PPM1L: variants seen among roughly 807,000 people sequenced by gnomAD.
PPM1L encodes the protein protein phosphatase, Mg2+/Mn2+ dependent 1L, also known as protein phosphatase 1L.
In PPM1L, 13 loss-of-function variants were observed where a neutral mutation model predicts 31.4. The observed-to-expected ratio is 0.41, with a 90% CI of 0.27 to 0.66. The LOEUF (loss-of-function observed/expected upper bound fraction) is 0.66. Ranked by LOEUF, PPM1L falls within the 30% of genes least tolerant of loss-of-function variation. The pLI is 0.29. For missense variants in PPM1L, 326 were observed against 453.7 expected (o/e 0.72, Z 2.56); for synonymous variants, 184 against 175.4 (o/e 1.05, Z -0.39).
intron 2 of PPM1L, among the ~76,000 whole-genome samples, chr3:161,060,329 C>A (rs1307146490): frequency 1.3e-5 from 2 of 152,044 alleles, no homozygotes; most frequent in Admixed American, 1.3e-4. Flanking sequence ...CATGTATGGG[C>A]AACAGGAGGG....
chr3:160,940,629 G>A (rs997501600), intron 1 of PPM1L, among the ~76,000 whole-genome samples: 5 of 152,312 alleles, frequency 3.3e-5, no homozygotes, highest in South Asian at 4.1e-4. Context: ...CTAGGGGTGC[G>A]CAGAAGCCAA....
intron 1 of PPM1L, among the ~76,000 whole-genome samples, chr3:160,846,108 G>T (rs1345000897): frequency 6.6e-6 from 1 of 152,010 alleles, no homozygotes; most frequent in Non-Finnish European, 1.5e-5. Context: ...AAATGGAAAG[G>T]TTTCTCACTG....
At chr3:160,786,235 T>TTTTTA (rs1230108633) in intron 1 of PPM1L, among the ~76,000 whole-genome samples, 1 of 104,160 alleles carries the variant, frequency 9.6e-6, no homozygotes, top group African/African-American at 4.3e-5. Context: ...TTTTTTTTTT[T>TTTTTA]AAGACAGAGT....
chr3:160,786,157 C>CTCTGTGTGTGTG (rs1553806231), intron 1 of PPM1L, among the ~76,000 whole-genome samples: 1 of 69,178 alleles, frequency 1.4e-5, no homozygotes, highest in African/African-American at 8.3e-5. Context: ...CTCTCTCTCT[C>CTCTGTGTGTGTG]TGTGTGTGTG....
chr3:160,997,484 G>A (rs187835949), intron 2 of PPM1L, among the ~76,000 whole-genome samples: 353 of 152,266 alleles, frequency 2.3e-3, no homozygotes, highest in African/African-American at 8.4e-3. Context: ...ATGGTGATAG[G>A]GGAAACCAGA....
intron 2 of PPM1L, among the ~76,000 whole-genome samples, chr3:160,966,494 C>T (rs1716149100): frequency 6.6e-6 from 1 of 152,120 alleles, no homozygotes; most frequent in African/African-American, 2.4e-5. Context: ...ATTAAAGCCT[C>T]TTCATGTGAA....
At chr3:160,904,133 A>G (rs1713661627) in intron 1 of PPM1L, among the ~76,000 whole-genome samples, 1 of 152,158 alleles carries the variant, frequency 6.6e-6, no homozygotes, top group South Asian at 2.1e-4. Flanking sequence ...TTATAAAGGT[A>G]TTTCTAAAAC....
At chr3:161,062,232 C>G (rs115541156) in intron 2 of PPM1L, among the ~76,000 whole-genome samples, 1 of 152,026 alleles carries the variant, frequency 6.6e-6, no homozygotes, top group Non-Finnish European at 1.5e-5. Context: ...TCTAGATATA[C>G]GGGTATTATC....
intron 1 of PPM1L, among the ~76,000 whole-genome samples, chr3:160,761,449 C>T (rs958334454): frequency 3.3e-5 from 5 of 152,144 alleles, no homozygotes; most frequent in African/African-American, 1.2e-4. Flanking sequence ...TAATGAGGAC[C>T]AAGGGAGAAA....
At chr3:160,850,160 A>G (rs1297282949) in intron 1 of PPM1L, among the ~76,000 whole-genome samples, 4 of 152,182 alleles carry the variant, frequency 2.6e-5, no homozygotes, top group Admixed American at 2.0e-4. Context: ...CATTTGCTAG[A>G]ATGGTGCACA....
intron 2 of PPM1L, among the ~76,000 whole-genome samples, chr3:161,006,945 G>C (rs1559921942): frequency 6.6e-6 from 1 of 152,150 alleles, no homozygotes; most frequent in Non-Finnish European, 1.5e-5. Context: ...GCCTCCCAAA[G>C]TGCTGGGATT....
In PPM1L at chr3:160,844,922, C is replaced by A. The variant is rs1045291295; in HGVS notation, c.399+88215C>A. On this transcript the variant is annotated intron_variant, in intron 1 of 3. Coordinates refer to ENST00000498165, the MANE Select transcript of PPM1L (RefSeq NM_139245.4). ...TATTTCTCCCCATCTTCCTTGTCCCCCCAACCTAGGCAAACACTAATCTAC... is the reference window on the plus strand; with the variant it reads ...TATTTCTCCCCATCTTCCTTGTCCCACCAACCTAGGCAAACACTAATCTAC... Among the ~76,000 whole-genome samples, 6 of 152,020 alleles carry A rather than the reference C, an allele frequency of 3.9e-5. 1 individual carries two copies. The highest frequency in any genetic ancestry group is 1.4e-4 in the African/African-American group (6 of 41,406).
At chr3:160,772,050 G>C (rs1488053688) in intron 1 of PPM1L, among the ~76,000 whole-genome samples, 1 of 152,082 alleles carries the variant, frequency 6.6e-6, no homozygotes, top group African/African-American at 2.4e-5. Flanking sequence ...ATTTGTCTAG[G>C]AGTGAGACTC....
At chr3:160,831,765 A>G (rs951834199) in intron 1 of PPM1L, among the ~76,000 whole-genome samples, 3 of 152,184 alleles carry the variant, frequency 2.0e-5, no homozygotes, top group Non-Finnish European at 4.4e-5. Context: ...ACCATGTCCT[A>G]TTTAGCACCT....
chr3:160,798,274 A>G (rs985308797), intron 1 of PPM1L, among the ~76,000 whole-genome samples: 7 of 152,236 alleles, frequency 4.6e-5, no homozygotes, highest in Non-Finnish European at 8.8e-5. Flanking sequence ...GCTACACTAA[A>G]TAACAGATTT....
intron 1 of PPM1L, among the ~76,000 whole-genome samples, chr3:160,814,582 TACAC>T (rs1323848164): frequency 1.3e-4 from 12 of 93,570 alleles, no homozygotes; most frequent in African/African-American, 3.9e-4. Context: ...TGTATATATA[TACAC>T]ACACATATGT....
chr3:160,961,967 A>G, intron 2 of PPM1L, 57 bp downstream of exon 2: 1 of 1,385,722 alleles, frequency 7.2e-7, no homozygotes, highest in Non-Finnish European at 9.7e-7. Context: ...TTCATTATAA[A>G]CCTTGATTAA....
At chr3:161,058,117 C>CTTTTTTTTTTTTTTTTTTT (rs1719465240) in intron 2 of PPM1L, among the ~76,000 whole-genome samples, 1 of 29,338 alleles carries the variant, frequency 3.4e-5, no homozygotes, top group Admixed American at 4.2e-4. Flanking sequence ...CATTTTCTTT[C>CTTTTTTTTTTTTTTTTTTT]CTTTTTTTTT....
intron 1 of PPM1L, among the ~76,000 whole-genome samples, chr3:160,961,222 C>T (rs1576745170): frequency 6.6e-6 from 1 of 152,240 alleles, no homozygotes; most frequent in Non-Finnish European, 1.5e-5. Flanking sequence ...TTCTGTTTAT[C>T]CCATTATTTC....
Sources: gnomAD v4.1 joint callset for allele counts (sites outside exome capture counted in the v4.1 genomes callset) on GRCh38, gnomAD v4.1.1 for gene constraint, MANE v1.5 for transcripts, NCBI Gene and HGNC (gene_info 2026-07-23, HGNC 2026-07-21) for gene names.